The following ZNF502 variants were observed in gnomAD, a reference collection of about 807,000 sequenced individuals.
The protein encoded by ZNF502 is zinc finger protein 502.
A neutral mutation model predicts 43.6 loss-of-function variants in ZNF502; 29 were observed. That is an observed-to-expected ratio of 0.67 (90% CI 0.50 to 0.91). The LOEUF (loss-of-function observed/expected upper bound fraction) is 0.91. ZNF502 is among the 40% of genes least tolerant of loss of function. The pLI is 0.00. For synonymous variants in ZNF502, 171 were observed against 207.4 expected (o/e 0.82, Z 1.51); for missense variants, 591 against 647.2 (o/e 0.91, Z 0.94).
At position 44,720,275 on chromosome 3, in the gene ZNF502, A is replaced by C. The variant is rs1704274784; in HGVS notation, c.14A>C (p.Gln5Pro). MLNM[Q>P]GAEERDIRRE... ...GACGATCTGTGGATGTTGAATATGC[A>C]AGGAGCTGAAGAGAGAGACATTAGA... The change falls in exon 2 of 3, where the codon CAA (glutamine) becomes CCA (proline). Residue 5 changes from glutamine to proline, a missense_variant. By Grantham distance (76) the Gln-to-Pro change is moderately conservative (BLOSUM62 -1). Coordinates refer to ENST00000436624, the MANE Select transcript of ZNF502 (RefSeq NM_001134442.3). 6.2e-7 allele frequency: 1 copy of C among 1,614,030 alleles called. No homozygotes were observed. Among genetic ancestry groups the C allele is most frequent in the Admixed American group, 1.7e-5 (1 of 59,998 alleles).
intron 1 of ZNF502, among the ~76,000 whole-genome samples, chr3:44,719,049 C>T (rs148844593): frequency 6.6e-6 from 1 of 150,822 alleles, no homozygotes; most frequent in African/African-American, 2.4e-5. Context: ...TCTCAGCTTA[C>T]TGCAGCATCT....
At chr3:44,720,774 A>T in intron 2 of ZNF502, 99 bp from the exon 3 acceptor site, 1 of 1,352,652 alleles carries the variant, frequency 7.4e-7, no homozygotes, top group Non-Finnish European at 1.0e-6. Flanking sequence ...CCTTCATCAT[A>T]GGCCATTACT....
intron 1 of ZNF502, 38 bp from the exon 2 acceptor site, chr3:44,720,165 A>G: frequency 7.5e-7 from 1 of 1,329,566 alleles, no homozygotes; most frequent in Non-Finnish European, 1.1e-6. Context: ...GGACAGTAAT[A>G]TTCCCTCCCT....
In ZNF502 at chr3:44,721,618, T is replaced by C; in HGVS notation, c.801T>C (p.Tyr267=). Residue 267 remains tyrosine, a synonymous_variant, in exon 3 of 3, where the codon TAT becomes TAC. Coordinates refer to ENST00000436624, the MANE Select transcript of ZNF502 (RefSeq NM_001134442.3). ...GAATTCACACTGGAGAGAAACCTTA[T>C]AAATGCAATAGGTGTGGGAAGGCAT... is the stretch of plus-strand genomic sequence containing the variant. ...HQRIHTGEKP[Y]KCNRCGKAFN... is the part of the protein sequence containing the mutation. 2 of 1,614,106 alleles carry C rather than the reference T, an allele frequency of 1.2e-6. No homozygotes were observed. Among genetic ancestry groups the C allele is most frequent in the African/African-American group, 1.3e-5 (1 of 75,048 alleles).
rs1165329377 is a variant in ZNF502 at position 44,721,832 on chromosome 3, T to A, written c.1015T>A (p.Ser339Thr). The A allele has an allele frequency of 6.2e-7, 1 of 1,614,082 alleles. No homozygotes were observed. The highest frequency in any genetic ancestry group is 8.5e-7 in the Non-Finnish European group (1 of 1,180,002). ...AACTTTCCAAACAAAGGCAAACCTC[T>A]CTCAGCATCAGAGAATTCATAGTGG... ...GKTFQTKANLSQHQRIHSGEK... is the reference protein window; with the variant it reads ...GKTFQTKANLTQHQRIHSGEK... The change falls in exon 3 of 3, where the codon TCT (serine) becomes ACT (threonine). Residue 339 changes from serine to threonine, a missense_variant. Transcript: ENST00000436624.
intron 1 of ZNF502, among the ~76,000 whole-genome samples, chr3:44,716,732 A>G (rs1704156721): frequency 6.6e-6 from 1 of 152,202 alleles, no homozygotes; most frequent in East Asian, 1.9e-4. Flanking sequence ...GTGAATCTTG[A>G]GTGTAGCATT....
rs555144831 is a variant in ZNF502, at chr3:44,722,685, A to G, written c.*233A>G. On this transcript the variant is annotated 3_prime_UTR_variant, in exon 3 of 3. Transcript: ENST00000436624. ...AATTCCTGCTTTTCAGATAAAGCCT[A>G]CACATTGCCACTGTCTCCCCATGTG... The G allele has an allele frequency of 3.7e-5, 18 of 490,630 alleles. No individual in the cohort carries two copies. Among genetic ancestry groups the G allele is most frequent in the Non-Finnish European group, 1.1e-5 (3 of 280,064 alleles). The allele number at this position is 490,630 out of a possible 1,614,324, so 30.4% of individuals were successfully genotyped here.
rs114700004 is a variant in ZNF502 at position 44,717,707 on chromosome 3, G to A, written c.-59-2496G>A. Among the ~76,000 whole-genome samples, 272 of 152,180 alleles carry A rather than the reference G, an allele frequency of 1.8e-3. 1 individual carries two copies. Among genetic ancestry groups the A allele is most frequent in the Non-Finnish European group, 1.5e-3 (104 of 68,010 alleles). ...ATTACAGGCATGAGCCACCACACCC[G>A]GCCAATGCAATCATATTAATAGCTC... On this transcript the variant is annotated intron_variant, in intron 1 of 2. Transcript: ENST00000436624.
At chr3:44,718,995 A>T (rs569096268) in intron 1 of ZNF502, among the ~76,000 whole-genome samples, 182 of 140,630 alleles carry the variant, frequency 1.3e-3, no homozygotes, top group African/African-American at 4.6e-3. Flanking sequence ...TTTTTTTGAG[A>T]TGGAGTCTTG....
At chr3:44,720,443 CAG>C (rs1022747181) in intron 2 of ZNF502, 127 bp downstream of exon 2, 9 of 921,628 alleles carry the variant, frequency 9.8e-6, no homozygotes, top group Admixed American at 2.8e-5. Flanking sequence ...ATGTTGGGGA[CAG>C]GGGTGGGTGA....
chr3:44,718,022 A>G (rs114737210), intron 1 of ZNF502, among the ~76,000 whole-genome samples: 2,125 of 152,210 alleles, frequency 0.014, 31 homozygotes, highest in African/African-American at 0.03. Context: ...TAAAGATTTT[A>G]TCTGTTACTC....
intron 2 of ZNF502, 43 bp from the exon 3 acceptor site, chr3:44,720,830 T>G: frequency 1.3e-6 from 2 of 1,553,618 alleles, no homozygotes; most frequent in Middle Eastern, 1.7e-4. Context: ...GGGCCTTCAC[T>G]CTGCCCTGTA....
chr3:44,723,047 A>C lies in ZNF502; in HGVS notation c.*595A>C, dbSNP rs1429418846. On this transcript the variant is annotated 3_prime_UTR_variant, in exon 3 of 3. Transcript: ENST00000436624. ...GAGATATAAAGCAACAACTGGGCTG[A>C]CCTCTATAGATCTGCCAGTAAAGAA... 2 of 151,864 alleles carry C rather than the reference A, an allele frequency of 1.3e-5. No homozygotes were observed. The highest frequency in any genetic ancestry group is 6.6e-5 in the Admixed American group (1 of 15,248). 9.4% of individuals were successfully genotyped at this position (151,864 alleles called of 1,614,324 possible). A position where few individuals can be genotyped will look rare whatever the true frequency, so the allele number is the denominator to read the frequency against.
intron 1 of ZNF502, among the ~76,000 whole-genome samples, chr3:44,716,746 G>A (rs2125863852): frequency 6.6e-6 from 1 of 152,176 alleles, no homozygotes; most frequent in East Asian, 1.9e-4. Flanking sequence ...TAGCATTAAA[G>A]ATAGATTTTC....
intron 1 of ZNF502, among the ~76,000 whole-genome samples, chr3:44,715,042 T>C (rs1171951827): frequency 1.3e-5 from 2 of 152,230 alleles, no homozygotes; most frequent in Non-Finnish European, 2.9e-5. Context: ...AAGTAATATA[T>C]GTTTATTGAA....
chr3:44,716,188 CTT>C (rs545864492), intron 1 of ZNF502, among the ~76,000 whole-genome samples: 20 of 138,614 alleles, frequency 1.4e-4, no homozygotes, highest in Admixed American at 1.5e-4. Context: ...AGAATATAGT[CTT>C]TTTTTTTTTT....
chr3:44,717,553 A>G (rs1704180275), intron 1 of ZNF502, among the ~76,000 whole-genome samples: 2 of 151,862 alleles, frequency 1.3e-5, no homozygotes, highest in Admixed American at 1.3e-4. Flanking sequence ...CTGGGATTAC[A>G]GGCATGTGCC....
At chr3:44,715,028 A>G (rs1023078072) in intron 1 of ZNF502, among the ~76,000 whole-genome samples, 19 of 152,208 alleles carry the variant, frequency 1.2e-4, no homozygotes, top group African/African-American at 3.4e-4. Context: ...TTTTCTACCT[A>G]TAAAAGTAAT....
At chr3:44,718,691 A>G (rs1704214953) in intron 1 of ZNF502, among the ~76,000 whole-genome samples, 1 of 152,178 alleles carries the variant, frequency 6.6e-6, no homozygotes, top group African/African-American at 2.4e-5. Context: ...AGACTATATT[A>G]GGTCCCCTGT....
Sources: gnomAD v4.1 joint callset for allele counts (sites outside exome capture counted in the v4.1 genomes callset) on GRCh38, gnomAD v4.1.1 for gene constraint, MANE v1.5 for transcripts, NCBI Gene and HGNC (gene_info 2026-07-23, HGNC 2026-07-21) for gene names.